EYS: variants seen among roughly 807,000 people sequenced by gnomAD.
The protein encoded by EYS is protein eyes shut homolog.
In EYS, 250 loss-of-function variants were observed where a neutral mutation model predicts 282.1. That is an observed-to-expected ratio of 0.89 (90% CI 0.80 to 0.98). The LOEUF (loss-of-function observed/expected upper bound fraction) is 0.98. EYS is among the 50% of genes least tolerant of loss of function. The pLI, the probability that EYS is intolerant of heterozygous loss-of-function variation, is 0.00. For synonymous variants in EYS, 1,355 were observed against 1,282.9 expected, an observed-to-expected ratio of 1.06 and a Z score of -1.20; for missense variants, 4,016 against 3,709.0, an observed-to-expected ratio of 1.08 and a Z score of -2.15.
intron 26 of EYS, among the ~76,000 whole-genome samples, chr6:64,481,877 T>C (rs918148535): frequency 2.0e-5 from 3 of 151,690 alleles, no homozygotes; most frequent in African/African-American, 7.3e-5. Context: ...TTCTCTATAT[T>C]TAAGGATTTA....
At chr6:64,500,644 G>A (rs544689917) in intron 26 of EYS, among the ~76,000 whole-genome samples, 1 of 152,202 alleles carries the variant, frequency 6.6e-6, no homozygotes, top group African/African-American at 2.4e-5. Flanking sequence ...ATTAACCCTA[G>A]TTTATTATGT....
At chr6:64,611,475 G>A (rs1324658868) in intron 24 of EYS, among the ~76,000 whole-genome samples, 1 of 151,976 alleles carries the variant, frequency 6.6e-6, no homozygotes. Context: ...TCATCATACA[G>A]TTTTCTTCAT....
intron 26 of EYS, among the ~76,000 whole-genome samples, chr6:64,443,609 G>C (rs1458040730): frequency 6.6e-6 from 1 of 152,108 alleles, no homozygotes; most frequent in Non-Finnish European, 1.5e-5. Flanking sequence ...TTGAATCATG[G>C]GGACAGGTCT....
At chr6:65,069,918 C>G (rs1363621145) in intron 12 of EYS, among the ~76,000 whole-genome samples, 1 of 151,730 alleles carries the variant, frequency 6.6e-6, no homozygotes, top group Non-Finnish European at 1.5e-5. Context: ...ATTTCTAATC[C>G]TGTTTTTCAG....
At chr6:65,606,953 T>C (rs1765821209) in intron 2 of EYS, among the ~76,000 whole-genome samples, 1 of 151,752 alleles carries the variant, frequency 6.6e-6, no homozygotes, top group South Asian at 2.1e-4. Flanking sequence ...GGATATAATG[T>C]CTTAAGCAGG....
chr6:64,273,878 C>G (rs2150358483), intron 30 of EYS, among the ~76,000 whole-genome samples: 1 of 152,298 alleles, frequency 6.6e-6, no homozygotes, highest in South Asian at 2.1e-4. Context: ...ACCTTCAAGT[C>G]TTTCTGGCTT....
intron 2 of EYS, among the ~76,000 whole-genome samples, chr6:65,526,405 C>T (rs1047842793): frequency 6.6e-6 from 1 of 152,094 alleles, no homozygotes; most frequent in Admixed American, 6.6e-5. Context: ...TTAAAAGATG[C>T]CATCACTCTT....
At chr6:64,476,583 A>G (rs1291450262) in intron 26 of EYS, among the ~76,000 whole-genome samples, 2 of 152,034 alleles carry the variant, frequency 1.3e-5, no homozygotes, top group Non-Finnish European at 1.5e-5. Context: ...AAAGGTGATC[A>G]TTTTGAATTT....
intron 37 of EYS, among the ~76,000 whole-genome samples, chr6:63,800,369 A>T (rs1022105823): frequency 6.6e-6 from 1 of 152,176 alleles, no homozygotes; most frequent in African/African-American, 2.4e-5. Flanking sequence ...TCTTTAAAAA[A>T]CTGTTGAGTA....
intron 26 of EYS, among the ~76,000 whole-genome samples, chr6:64,560,889 A>G (rs1241300837): frequency 3.3e-5 from 5 of 152,106 alleles, no homozygotes; most frequent in African/African-American, 1.2e-4. Flanking sequence ...ACACAGCAAA[A>G]AAAGAAAACT....
intron 7 of EYS, among the ~76,000 whole-genome samples, chr6:65,389,324 A>G (rs1354267): frequency 0.2 from 29,868 of 152,026 alleles, 3,121 homozygotes; most frequent in South Asian, 0.35. Context: ...CAGAGCAGTT[A>G]GACTGGACTC....
intron 9 of EYS, among the ~76,000 whole-genome samples, chr6:65,345,988 GTCTC>G (rs1770378360): frequency 6.6e-6 from 1 of 151,838 alleles, no homozygotes; most frequent in African/African-American, 2.4e-5. Context: ...GACACTGAGA[GTCTC>G]TCTCCCAACT....
At chr6:63,839,534 A>G (rs1221195673) in intron 36 of EYS, among the ~76,000 whole-genome samples, 2 of 152,220 alleles carry the variant, frequency 1.3e-5, no homozygotes, top group African/African-American at 4.8e-5. Context: ...TATAGAATAG[A>G]AACAGGGTCT....
chr6:65,375,439 C>A (rs1765327043), intron 8 of EYS, among the ~76,000 whole-genome samples: 1 of 152,038 alleles, frequency 6.6e-6, no homozygotes, highest in Non-Finnish European at 1.5e-5. Context: ...GAAAAACCAG[C>A]AAAACAATGC....
chr6:65,692,373 TAATA>T (rs1400289923), intron 1 of EYS, among the ~76,000 whole-genome samples: 2 of 150,068 alleles, frequency 1.3e-5, no homozygotes, highest in African/African-American at 4.9e-5. Context: ...AGCCATATAA[TAATA>T]CCACACTTGT....
At chr6:64,173,689 A>G (rs1764547185) in intron 31 of EYS, among the ~76,000 whole-genome samples, 1 of 152,274 alleles carries the variant, frequency 6.6e-6, no homozygotes, top group African/African-American at 2.4e-5. Context: ...ACTTTTACTT[A>G]AAAAGCAGGG....
chr6:64,429,486 C>T (rs1475299376), intron 28 of EYS, among the ~76,000 whole-genome samples: 1 of 152,086 alleles, frequency 6.6e-6, no homozygotes, highest in Non-Finnish European at 1.5e-5. Flanking sequence ...CAAAAATTAG[C>T]TGGGCATGGT....
At position 65,235,875 on chromosome 6, in the gene EYS, G is replaced by GA. The variant is rs200017784; in HGVS notation, c.2023+59987dup. Among the ~76,000 whole-genome samples, 556 of 151,464 alleles carry GA rather than the reference G, an allele frequency of 3.7e-3. 1 individual carries two copies. Among genetic ancestry groups the GA allele is most frequent in the South Asian group, 0.011 (51 of 4,798 alleles). Reference sequence around the variant, plus strand: ...CATATGATTAATGACTCTTTAAAGGGAAAAAAAATCTTGAGGATCTTAATA... The same window carrying GA: ...CATATGATTAATGACTCTTTAAAGGGAAAAAAAAATCTTGAGGATCTTAATA... On this transcript the variant is annotated intron_variant, in intron 12 of 42. Transcript: ENST00000503581.
intron 41 of EYS, among the ~76,000 whole-genome samples, chr6:63,760,182 G>A (rs1408506968): frequency 6.6e-6 from 1 of 151,972 alleles, no homozygotes; most frequent in Non-Finnish European, 1.5e-5. Flanking sequence ...TGTCATTGGT[G>A]CACAATAGCT....
Sources: allele counts gnomAD v4.1 joint callset (sites outside exome capture counted in the v4.1 genomes callset), GRCh38; gene constraint gnomAD v4.1.1; transcripts MANE v1.5; gene names NCBI Gene and HGNC (gene_info 2026-07-23, HGNC 2026-07-21).